Variants in CATSPERE observed in about 807,000 individuals in gnomAD.
CATSPERE encodes cation channel sperm-associated auxiliary subunit epsilon.
In CATSPERE, 93 loss-of-function variants were observed where a neutral mutation model predicts 114.1. That is an observed-to-expected ratio of 0.81 (90% CI 0.69 to 0.97). The LOEUF is 0.97. Ranked by LOEUF, CATSPERE falls within the 50% of genes least tolerant of loss-of-function variation. The pLI is 0.00. For missense variants in CATSPERE, 1,058 were observed against 1,131.6 expected, an observed-to-expected ratio of 0.93 and a Z score of 0.93; for synonymous variants, 341 against 384.1, an observed-to-expected ratio of 0.89 and a Z score of 1.31.
chr1:244,518,599 T>C lies in CATSPERE; in HGVS notation c.437T>C (p.Ile146Thr). The C allele has an allele frequency of 1.3e-6, 2 of 1,564,220 alleles. No homozygotes were observed. Among genetic ancestry groups the C allele is most frequent in the Non-Finnish European group, 1.8e-6 (2 of 1,137,212 alleles). Residue 146 changes from isoleucine (I) to threonine (T), a missense_variant, in exon 8 of 22, where the codon ATA becomes ACA. Coordinates refer to ENST00000366534, the MANE Select transcript of CATSPERE (RefSeq NM_001130957.2). ...TTTAATTTGTTTTTACAGAATTCCA[T>C]AGTACTCAGCACACAGATGGCCACA... The part of the protein sequence containing the change: ...GNAEEPSINS[I>T]VLSTQMATLG...
intron 9 of CATSPERE, among the ~76,000 whole-genome samples, chr1:244,556,595 G>T (rs978181932): frequency 4.6e-5 from 7 of 152,242 alleles, no homozygotes; most frequent in South Asian, 2.1e-4. Flanking sequence ...CATGAAATTT[G>T]GGAGGGGAAA....
At chr1:244,620,006 G>T (rs1671891080) in intron 20 of CATSPERE, among the ~76,000 whole-genome samples, 2 of 152,172 alleles carry the variant, frequency 1.3e-5, no homozygotes, top group South Asian at 4.1e-4. Context: ...AGTGGAGAAT[G>T]TGAATAAAAT....
intron 1 of CATSPERE, among the ~76,000 whole-genome samples, chr1:244,462,377 A>G (rs1239956489): frequency 6.6e-6 from 1 of 152,062 alleles, no homozygotes; most frequent in Non-Finnish European, 1.5e-5. Flanking sequence ...GACTAAATTA[A>G]TAAATTAAAC....
intron 14 of CATSPERE, among the ~76,000 whole-genome samples, chr1:244,588,932 C>T (rs1206165252): frequency 6.6e-6 from 1 of 152,150 alleles, no homozygotes; most frequent in Admixed American, 6.5e-5. Context: ...CAGAGAACTG[C>T]TTACACCCAT....
intron 20 of CATSPERE, among the ~76,000 whole-genome samples, chr1:244,626,996 C>T (rs886760047): frequency 6.6e-6 from 1 of 152,240 alleles, no homozygotes; most frequent in African/African-American, 2.4e-5. Context: ...CATCTTTCAA[C>T]ATGCCTTCCT....
At chr1:244,537,604 G>T (rs1231395826) in intron 8 of CATSPERE, among the ~76,000 whole-genome samples, 1 of 152,114 alleles carries the variant, frequency 6.6e-6, no homozygotes, top group African/African-American at 2.4e-5. Context: ...AAGTCATTGG[G>T]CCTGGTGCTT....
chr1:244,594,820 C>T (rs182591074), intron 17 of CATSPERE, among the ~76,000 whole-genome samples: 16 of 152,288 alleles, frequency 1.1e-4, no homozygotes, highest in African/African-American at 3.1e-4. Flanking sequence ...GGTCTGGCCC[C>T]TAACCCTCGC....
intron 17 of CATSPERE, among the ~76,000 whole-genome samples, chr1:244,599,340 C>A (rs1451248509): frequency 6.6e-6 from 1 of 152,192 alleles, no homozygotes; most frequent in African/African-American, 2.4e-5. Flanking sequence ...ACCTGCTCCA[C>A]CAGTAGCCTT....
chr1:244,456,028 C>T (rs1666129054), intron 1 of CATSPERE, among the ~76,000 whole-genome samples: 1 of 152,114 alleles, frequency 6.6e-6, no homozygotes, highest in Non-Finnish European at 1.5e-5. Context: ...TGGCTCTTCG[C>T]ACACTTGGAT....
intron 1 of CATSPERE, among the ~76,000 whole-genome samples, chr1:244,456,073 G>A (rs1038679888): frequency 3.3e-5 from 5 of 152,000 alleles, no homozygotes; most frequent in African/African-American, 1.2e-4. Context: ...GGAAGACATG[G>A]AAACACCCCC....
chr1:244,531,767 C>A (rs988426268), intron 8 of CATSPERE, among the ~76,000 whole-genome samples: 1 of 152,122 alleles, frequency 6.6e-6, no homozygotes, highest in Non-Finnish European at 1.5e-5. Flanking sequence ...TAGTCTTCAT[C>A]AGGGATATTG....
At chr1:244,484,933 TTC>T (rs371635655) in intron 5 of CATSPERE, among the ~76,000 whole-genome samples, 114 of 152,340 alleles carry the variant, frequency 7.5e-4, no homozygotes, top group African/African-American at 2.5e-3. Context: ...GCTTGCTGTT[TTC>T]TCTCAGTGCT....
chr1:244,554,937 C>T (rs377250327), intron 9 of CATSPERE, among the ~76,000 whole-genome samples: 1 of 152,162 alleles, frequency 6.6e-6, no homozygotes, highest in Admixed American at 6.5e-5. Context: ...CAGAACACAC[C>T]ATGGGATTTA....
rs770511604 is a variant in CATSPERE, at chr1:244,605,762, G to A, written c.2371G>A (p.Asp791Asn). ...CATAGTGTGGGAAATACACGGCAGG[G>A]ATGACTATAGCTTTAATAATACTAT... is the stretch of plus-strand genomic sequence containing the variant. ...NFIVWEIHGR[D>N]DYSFNNTMAQ... is the part of the protein sequence containing the mutation. The change falls in exon 18 of 22, where the codon GAT becomes AAT. Residue 791 changes from aspartate (D) to asparagine (N), a missense_variant. Physicochemically the swap from Asp to Asn is conservative, Grantham distance 23. This residue lies in a region of CATSPERE where 787 missense variants were observed against 905.6 expected (regional missense o/e 0.87). Transcript: ENST00000366534. The A allele has an allele frequency of 3.1e-6, 5 of 1,613,344 alleles. No homozygotes were observed. In the South Asian group the frequency reaches 3.3e-5, roughly 11 times the overall value.
At chr1:244,530,332 G>T (rs1173787190) in intron 8 of CATSPERE, among the ~76,000 whole-genome samples, 1 of 152,162 alleles carries the variant, frequency 6.6e-6, no homozygotes, top group Non-Finnish European at 1.5e-5. Context: ...CACTGTAGAT[G>T]TATTGATTTG....
At chr1:244,553,600 A>AAAAAAAAAAC (rs1553356088) in intron 9 of CATSPERE, among the ~76,000 whole-genome samples, 1 of 32,578 alleles carries the variant, frequency 3.1e-5, no homozygotes, top group African/African-American at 1.1e-4. Flanking sequence ...AAAAAAAAAA[A>AAAAAAAAAAC]ATACACACAC....
At chr1:244,461,641 C>A in intron 1 of CATSPERE, 147 bp downstream of exon 1, 1 of 526,002 alleles carries the variant, frequency 1.9e-6, no homozygotes, top group Non-Finnish European at 2.9e-6. Context: ...CCAACACCAG[C>A]CCCAGTGTCC....
intron 7 of CATSPERE, among the ~76,000 whole-genome samples, chr1:244,505,231 C>T (rs1674647252): frequency 6.6e-6 from 1 of 152,112 alleles, no homozygotes; most frequent in South Asian, 2.1e-4. Context: ...CGGTATAATT[C>T]CTGCATCATA....
At chr1:244,602,517 C>T (rs1385842317) in intron 17 of CATSPERE, among the ~76,000 whole-genome samples, 3 of 152,100 alleles carry the variant, frequency 2.0e-5, no homozygotes, top group East Asian at 1.9e-4. Flanking sequence ...AGAGTTTTAC[C>T]GATAAAAGGA....
Sources: allele counts gnomAD v4.1 joint callset (sites outside exome capture counted in the v4.1 genomes callset), GRCh38; gene constraint gnomAD v4.1.1; regional missense constraint gnomAD v4.1.1; transcripts MANE v1.5; gene names NCBI Gene and HGNC (gene_info 2026-07-23, HGNC 2026-07-21).